FN1: variants seen among roughly 807,000 people sequenced by gnomAD.
The protein encoded by FN1 is fibronectin.
A neutral mutation model predicts 297.3 loss-of-function variants in FN1; 106 were observed. That is an observed-to-expected ratio of 0.36 (90% CI 0.30 to 0.42). The LOEUF (loss-of-function observed/expected upper bound fraction) is 0.42. Ranked by LOEUF, FN1 falls within the 10% of genes least tolerant of loss-of-function variation. FN1 has a pLI of 1.00. For missense variants in FN1, 2,690 were observed against 3,124.9 expected, an observed-to-expected ratio of 0.86 and a Z score of 3.32; for synonymous variants, 1,149 against 1,152.6, an observed-to-expected ratio of 1.00 and a Z score of 0.06.
intron 32 of FN1, 171 bp downstream of exon 32, chr2:215,382,041 G>A (rs2058291845): frequency 1.3e-5 from 8 of 609,528 alleles, no homozygotes; most frequent in Non-Finnish European, 2.4e-5. Flanking sequence ...TAAATTCCTC[G>A]CTTGGCACTG....
Position 215,367,969 on chromosome 2 carries a change from G to A in FN1, c.6912C>T (p.Ser2304=). 1 of 1,614,202 alleles carries A rather than the reference G, an allele frequency of 6.2e-7. No homozygotes were observed. Among genetic ancestry groups the A allele is most frequent in the Non-Finnish European group, 8.5e-7 (1 of 1,180,006 alleles). The part of the protein sequence containing the change: ...DDSCFDPYTV[S]HYAVGDEWER... ...CCCACTCATCTCCAACGGCATAATG[G>A]GAAACTGTGTAGGGGTCAAAGCACG... Residue 2304 remains serine, a synonymous_variant, in exon 42 of 46, where the codon TCC becomes TCT. Transcript: ENST00000354785.
chr2:215,432,157 C>T (rs952222591), intron 3 of FN1, among the ~76,000 whole-genome samples, 193 bp from the exon 4 acceptor site: 5 of 152,140 alleles, frequency 3.3e-5, no homozygotes, highest in African/African-American at 1.2e-4. Flanking sequence ...TTGCTTAGAA[C>T]ACAATGGAAA....
chr2:215,379,322 C>T lies in FN1; in HGVS notation c.5435-5G>A, dbSNP rs570581942. 2 of 1,613,466 alleles carry T rather than the reference C, an allele frequency of 1.2e-6. No homozygotes were observed. Among genetic ancestry groups the T allele is most frequent in the South Asian group, 1.1e-5 (1 of 91,014 alleles). On this transcript the variant is annotated splice_polypyrimidine_tract_variant and splice_region_variant and intron_variant, in intron 33 of 45. Transcript: ENST00000354785. ...GGTCAGTTGGTGCAGGAATAGCTGTCGAGATTGTCATTGGTTAGAGGTTAT... is the reference window on the plus strand; with the variant it reads ...GGTCAGTTGGTGCAGGAATAGCTGTTGAGATTGTCATTGGTTAGAGGTTAT...
chr2:215,419,055 T>C (rs1478217552), intron 12 of FN1, among the ~76,000 whole-genome samples, 187 bp downstream of exon 12: 1 of 152,296 alleles, frequency 6.6e-6, no homozygotes, highest in Non-Finnish European at 1.5e-5. Context: ...TTCTCTACCT[T>C]TTACTTGATA....
chr2:215,388,166 T>G (rs1444921168), intron 27 of FN1, 46 bp downstream of exon 27: 3 of 1,340,266 alleles, frequency 2.2e-6, no homozygotes, highest in Non-Finnish European at 3.2e-6. Flanking sequence ...TATACAGAAT[T>G]GATAGGCAAA....
chr2:215,414,847 C>A lies in FN1; in HGVS notation c.1931G>T (p.Arg644Met). The change falls in exon 13 of 46, where the codon AGG becomes ATG. Residue 644 changes from arginine to methionine, a missense_variant. Transcript: ENST00000354785. ...GGGTGGGATACTCACAGGTCTCCACCTGAGAATGTACTTGGAAATGTGAGA... is the reference window on the plus strand; with the variant it reads ...GGGTGGGATACTCACAGGTCTCCACATGAGAATGTACTTGGAAATGTGAGA... ...QPSHISKYILRWRPKNSVGRW... is the reference protein window; with the variant it reads ...QPSHISKYILMWRPKNSVGRW... The A allele has an allele frequency of 6.2e-7, 1 of 1,613,828 alleles. No homozygotes were observed. The highest frequency in any genetic ancestry group is 8.5e-7 in the Non-Finnish European group (1 of 1,179,802).
intron 13 of FN1, among the ~76,000 whole-genome samples, chr2:215,413,671 A>T (rs1326823418): frequency 2.6e-5 from 4 of 152,174 alleles, no homozygotes; most frequent in Non-Finnish European, 4.4e-5. Flanking sequence ...TCTGATTTGG[A>T]AGCACTGTTT....
chr2:215,419,260 G>A lies in FN1; in HGVS notation c.1801C>T (p.Pro601Ser). 1 of 1,613,992 alleles carries A rather than the reference G, an allele frequency of 6.2e-7. No individual in the cohort carries two copies. The highest frequency in any genetic ancestry group is 1.1e-5 in the South Asian group (1 of 91,086). Residue 601 changes from proline (P) to serine (S), a missense_variant, in exon 12 of 46, where the codon CCT becomes TCT. Transcript: ENST00000354785. ...GRGIGEWHCQ[P>S]LQTYPSSSGP... Reference sequence around the variant, plus strand: ...TACTTACTTGGATAGGTCTGTAAAGGTTGGCAATGCCACTCCCCAATGCCA... The same window carrying A: ...TACTTACTTGGATAGGTCTGTAAAGATTGGCAATGCCACTCCCCAATGCCA...
intron 40 of FN1, 123 bp downstream of exon 40, chr2:215,371,786 T>A (rs1188377362): frequency 1.2e-6 from 1 of 825,252 alleles, no homozygotes; most frequent in East Asian, 2.6e-5. Context: ...GTGCTGGGAT[T>A]ACAGGCGTGA....
Position 215,397,195 on chromosome 2 carries a change from C to T in FN1, c.3546G>A (p.Leu1182=). The T allele has an allele frequency of 6.2e-7, 1 of 1,613,926 alleles. No homozygotes were observed. Among genetic ancestry groups the T allele is most frequent in the Non-Finnish European group, 8.5e-7 (1 of 1,179,806 alleles). ...GCACTCCAGTGTCAGGGTTTGCCTC[C>T]AGATGCAAGTTTGTTGGTGGAGACA... The part of the protein sequence containing the change: ...TPLSPPTNLH[L]EANPDTGVLT... The change falls in exon 23 of 46, where the codon CTG becomes CTA. Residue 1182 remains leucine, a synonymous_variant. Coordinates refer to ENST00000354785, the MANE Select transcript of FN1 (RefSeq NM_212482.4).
intron 24 of FN1, 133 bp downstream of exon 24, chr2:215,394,395 G>T: frequency 1.2e-6 from 1 of 828,628 alleles, no homozygotes; most frequent in Non-Finnish European, 2.1e-6. Flanking sequence ...TCTTGGTTTT[G>T]GAAAGTGCAG....
chr2:215,387,684 C>G (rs1188629987), intron 27 of FN1, among the ~76,000 whole-genome samples: 1 of 152,044 alleles, frequency 6.6e-6, no homozygotes, highest in Non-Finnish European at 1.5e-5. Flanking sequence ...ATCATAAGTC[C>G]TTTTTGGAAG....
At chr2:215,399,408 G>A (rs1041157918) in intron 20 of FN1, 57 bp from the exon 21 acceptor site, 1 of 1,124,868 alleles carries the variant, frequency 8.9e-7, no homozygotes, top group Non-Finnish European at 1.4e-6. Flanking sequence ...TGATTGCATA[G>A]CATATAGATA....
rs944525749 is a variant in FN1 at position 215,361,606 on chromosome 2, C to T, written c.7383G>A (p.Glu2461=). The change falls in exon 46 of 46, where the codon GAG becomes GAA. Residue 2461 remains glutamate (E), a synonymous_variant. Transcript: ENST00000354785. The part of the protein sequence containing the change: ...RTNTNVNCPI[E]CFMPLDVQAD... ...CCTGTACATCTAAAGGCATGAAGCA[C>T]TCAATTGGGCAATTAACATTCTGTT... is the stretch of plus-strand genomic sequence containing the variant. 18 of 1,611,056 alleles carry T rather than the reference C, an allele frequency of 1.1e-5. No individual in the cohort carries two copies. In the East Asian group the frequency reaches 2.2e-4, roughly 20 times the overall value.
Position 215,382,242 on chromosome 2 carries a change from T to G in FN1, c.5134A>C (p.Ser1712Arg). 1 of 1,613,658 alleles carries G rather than the reference T, an allele frequency of 6.2e-7. No homozygotes were observed. Among genetic ancestry groups the G allele is most frequent in the Non-Finnish European group, 8.5e-7 (1 of 1,179,580 alleles). ...ACTGCAGTCTGAACCAGAGGCTGAC[T>G]CTCTCCGCTTGGATTCTGAGCATAG... ...SVYAQNPSGESQPLVQTAVTN... is the reference protein window; with the variant it reads ...SVYAQNPSGERQPLVQTAVTN... Residue 1712 changes from serine to arginine, a missense_variant, in exon 32 of 46, where the codon AGT (serine) becomes CGT (arginine). Ser to Arg is a moderately radical substitution (Grantham distance 110, BLOSUM62 -1). Coordinates refer to ENST00000354785, the MANE Select transcript of FN1 (RefSeq NM_212482.4).
chr2:215,401,270 AG>A (rs2061111093), intron 20 of FN1, among the ~76,000 whole-genome samples: 8 of 79,464 alleles, frequency 1.0e-4, no homozygotes, highest in African/African-American at 4.7e-4. Context: ...AAGGAAGGAA[AG>A]GAAAGGAAAG....
At chr2:215,376,734 T>C (rs2057345034) in intron 35 of FN1, 60 bp from the exon 36 acceptor site, 6 of 1,514,934 alleles carry the variant, frequency 4.0e-6, no homozygotes, top group Non-Finnish European at 5.5e-6. Flanking sequence ...AAAGTTTTGG[T>C]ATTTTAAAAC....
chr2:215,362,685 T>A, intron 44 of FN1: 1 of 155,342 alleles, frequency 6.4e-6, no homozygotes, highest in South Asian at 2.0e-4. Context: ...GGAGATGGCA[T>A]GGGAGATGGA....
intron 32 of FN1, 69 bp downstream of exon 32, chr2:215,382,143 T>C (rs1206130679): frequency 1.1e-6 from 1 of 902,658 alleles, no homozygotes; most frequent in Admixed American, 1.8e-5. Context: ...AAAAGACATG[T>C]CGTGGGCATT....
Sources: allele counts gnomAD v4.1 joint callset (sites outside exome capture counted in the v4.1 genomes callset), GRCh38; gene constraint gnomAD v4.1.1; transcripts MANE v1.5; gene names NCBI Gene and HGNC (gene_info 2026-07-23, HGNC 2026-07-21).